The following GATA2 variants were observed in gnomAD, a reference collection of about 807,000 sequenced individuals.
The protein encoded by GATA2 is endothelial transcription factor GATA-2.
GATA2 carries 6 observed loss-of-function variants against 35.7 expected under a neutral mutation model. That is an observed-to-expected ratio of 0.17 (90% CI 0.09 to 0.33). The LOEUF (loss-of-function observed/expected upper bound fraction) is 0.33. Among genes scored for constraint, GATA2 ranks in the 10% least tolerant of loss-of-function variants. The pLI, the probability that GATA2 is intolerant of heterozygous loss-of-function variation, is 1.00. For synonymous variants in GATA2, 313 were observed against 274.9 expected, an observed-to-expected ratio of 1.14 and a Z score of -1.37; for missense variants, 541 against 656.6, an observed-to-expected ratio of 0.82 and a Z score of 1.92.
At chr3:128,490,239 C>T (rs1461590452) in intron 1 of GATA2, 2 of 152,266 alleles carry the variant, frequency 1.3e-5, no homozygotes, top group Non-Finnish European at 2.9e-5. Flanking sequence ...CCTGCCCAAA[C>T]GTCAGCCCTG....
chr3:128,483,764 G>A lies in GATA2; in HGVS notation c.1017+96C>T, dbSNP rs144955202. 420 of 1,497,426 alleles carry A rather than the reference G, an allele frequency of 2.8e-4. No individual in the cohort carries two copies. The African/African-American group carries it at 5.4e-3, about 19-fold the overall frequency. 92.8% of individuals were successfully genotyped at this position (1,497,426 alleles called of 1,614,324 possible). A position where few individuals can be genotyped will look rare whatever the true frequency, so the allele number is the denominator to read the frequency against. On this transcript the variant is annotated intron_variant, in intron 4 of 5. Transcript: ENST00000341105. ...TCATGATAAAAGAGGATTTCAAGCGGCAAAGCGTCTGCATTTGAAGGAGTT... is the reference window on the plus strand; with the variant it reads ...TCATGATAAAAGAGGATTTCAAGCGACAAAGCGTCTGCATTTGAAGGAGTT...
intron 3 of GATA2, 95 bp downstream of exon 3, chr3:128,485,632 G>T: frequency 6.8e-7 from 1 of 1,470,572 alleles, no homozygotes. Context: ...CCAGATCTGG[G>T]AAACCAACAC....
intron 4 of GATA2, 51 bp from the exon 5 acceptor site, chr3:128,481,995 C>G: frequency 6.2e-7 from 1 of 1,605,060 alleles, no homozygotes; most frequent in Non-Finnish European, 8.5e-7. Flanking sequence ...CCCACCTCGA[C>G]CCCCCTCCCT....
intron 3 of GATA2, among the ~76,000 whole-genome samples, chr3:128,485,213 CAG>C (rs1172974914): frequency 6.6e-6 from 1 of 152,120 alleles, no homozygotes; most frequent in Non-Finnish European, 1.5e-5. Flanking sequence ...CCGAGGAGAT[CAG>C]GGAGCCATCG....
intron 1 of GATA2, among the ~76,000 whole-genome samples, chr3:128,492,533 G>T (rs2068790118): frequency 2.6e-5 from 4 of 152,202 alleles, no homozygotes; most frequent in Non-Finnish European, 5.9e-5. Context: ...GCCGCTCGGC[G>T]GCCCGGCTCG....
chr3:128,481,005 C>T lies in GATA2; in HGVS notation c.*14G>A, dbSNP rs1036505870. 27 of 1,546,158 alleles carry T rather than the reference C, an allele frequency of 1.7e-5. No individual in the cohort carries two copies. Among genetic ancestry groups the T allele is most frequent in the Non-Finnish European group, 2.3e-5 (26 of 1,145,040 alleles). ...CATCCCGGGAGTGCCCGGTCCTCGA[C>T]GTCCATCTGTTCCCTAGCCCATGGC... is the stretch of plus-strand genomic sequence containing the variant. On this transcript the variant is annotated 3_prime_UTR_variant, in exon 6 of 6. Coordinates refer to ENST00000341105, the MANE Select transcript of GATA2 (RefSeq NM_032638.5).
In GATA2 at chr3:128,481,326, C is replaced by G. The variant is rs2107668139; in HGVS notation, c.1144-8G>C. On this transcript the variant is annotated splice_polypyrimidine_tract_variant and splice_region_variant and intron_variant, in intron 5 of 5. Coordinates refer to ENST00000341105, the MANE Select transcript of GATA2 (RefSeq NM_032638.5). The stretch of plus-strand genomic sequence containing the variant: ...GGTCAGTGGCCTGTTAACCTAGAGG[C>G]AACCACCAGTTTTCAGAGGGCCAGT... 6.2e-7 allele frequency: 1 copy of G among 1,611,360 alleles called. No individual in the cohort carries two copies. Among genetic ancestry groups the G allele is most frequent in the East Asian group, 2.2e-5 (1 of 44,884 alleles).
intron 4 of GATA2, 131 bp downstream of exon 4, chr3:128,483,729 C>A (rs970177313): frequency 8.0e-7 from 1 of 1,256,136 alleles, no homozygotes; most frequent in East Asian, 2.5e-5. Flanking sequence ...AACTGACATC[C>A]CAGTGCTTTT....
intron 1 of GATA2, 63 bp from the exon 2 acceptor site, chr3:128,487,139 C>T: frequency 1.1e-6 from 1 of 885,152 alleles, no homozygotes; most frequent in South Asian, 1.7e-5. Context: ...AGTCCCACCA[C>T]GAGGTGTCCC....
At chr3:128,489,213 C>T (rs1162561717) in intron 1 of GATA2, 2 of 152,140 alleles carry the variant, frequency 1.3e-5, no homozygotes, top group East Asian at 3.9e-4. Context: ...AGGAAATGAA[C>T]TTTTTAATAA....
chr3:128,480,754 CTACA>C lies in GATA2; in HGVS notation c.*261_*264del, dbSNP rs1263668636. On this transcript the variant is annotated 3_prime_UTR_variant, in exon 6 of 6. Transcript: ENST00000341105. Reference sequence around the variant, plus strand: ...CGTCTGTCCCGTCCCCTCCTTTTCTCTACATAAAGTTGTCCTTGTTGTTCTCCAA... The same window carrying C: ...CGTCTGTCCCGTCCCCTCCTTTTCTCTAAAGTTGTCCTTGTTGTTCTCCAA... The C allele has an allele frequency of 2.1e-5, 10 of 473,592 alleles. No homozygotes were observed. The highest frequency in any genetic ancestry group is 3.7e-5 in the Non-Finnish European group (10 of 270,400). 29.3% of individuals were successfully genotyped at this position (473,592 alleles called of 1,614,324 possible). A position where few individuals can be genotyped will look rare whatever the true frequency, so the allele number is the denominator to read the frequency against.
chr3:128,490,814 A>G (rs2068760019), intron 1 of GATA2, among the ~76,000 whole-genome samples: 1 of 152,158 alleles, frequency 6.6e-6, no homozygotes, highest in Admixed American at 6.5e-5. Flanking sequence ...GCCTGGTGAG[A>G]GCAGATTTAC....
chr3:128,492,362 T>C (rs1276135073), intron 1 of GATA2: 1 of 152,252 alleles, frequency 6.6e-6, no homozygotes, highest in African/African-American at 2.4e-5. Context: ...CGACTCCGGC[T>C]TGGGGCGGGG....
At chr3:128,489,355 C>T (rs1223781495) in intron 1 of GATA2, 1 of 152,376 alleles carries the variant, frequency 6.6e-6, no homozygotes, top group African/African-American at 2.4e-5. Context: ...CGGGCTCAGG[C>T]TGAGGCCTCC....
intron 4 of GATA2, among the ~76,000 whole-genome samples, chr3:128,482,790 C>T (rs1440994809): frequency 6.6e-6 from 1 of 152,234 alleles, no homozygotes; most frequent in African/African-American, 2.4e-5. Context: ...GGAGGCTTTA[C>T]CCAAGAAAAC....
Position 128,486,301 on chromosome 3 carries a change from G to C in GATA2, c.297C>G (p.Asp99Glu), listed in dbSNP as rs1411693599. Residue 99 changes from aspartate to glutamate, a missense_variant, in exon 3 of 6, where the codon GAC becomes GAG. Transcript: ENST00000341105. ...CGGCAGAGAGGGCTGCTTTGCCCCC[G>C]TCCAGCCAGGGCAAACCCGGGCTGT... ...LLHSPGLPWL[D>E]GGKAALSAAA... The C allele has an allele frequency of 6.3e-7, 1 of 1,591,286 alleles. No homozygotes were observed. The highest frequency in any genetic ancestry group is 1.3e-5 in the African/African-American group (1 of 74,808).
At position 128,486,804 on chromosome 3, in the gene GATA2, G is replaced by C. The variant is rs770940723; in HGVS notation, c.228C>G (p.His76Gln). The change falls in exon 2 of 6, where the codon CAC becomes CAG. Residue 76 changes from histidine to glutamine, a missense_variant and splice_region_variant. His to Gln is a conservative substitution (Grantham distance 24, BLOSUM62 0). This residue lies in a region of GATA2 where 389 missense variants were observed against 396.9 expected (regional missense o/e 0.98). Transcript: ENST00000341105. ...CATCACCACGGGCCCAGTGCTCACC[G>C]TGCGCGGGGCTGTAGGAGACGCGCG... ...ARARVSYSPAHARLTGGQMCR... is the reference protein window; with the variant it reads ...ARARVSYSPAQARLTGGQMCR... 1.2e-6 allele frequency: 2 copies of C among 1,600,850 alleles called. No homozygotes were observed. The highest frequency in any genetic ancestry group is 1.7e-6 in the Non-Finnish European group (2 of 1,175,090).
intron 4 of GATA2, among the ~76,000 whole-genome samples, chr3:128,482,243 A>G (rs1174847050): frequency 6.6e-6 from 1 of 152,178 alleles, no homozygotes; most frequent in Non-Finnish European, 1.5e-5. Flanking sequence ...AACTCCATAA[A>G]TGGGGAAACT....
intron 1 of GATA2, 146 bp downstream of exon 1, chr3:128,492,753 A>G (rs1296128144): frequency 6.6e-6 from 1 of 152,182 alleles, no homozygotes; most frequent in Non-Finnish European, 1.5e-5. Context: ...CCCTATAACC[A>G]GGGTTTCCGG....
Sources: gnomAD v4.1 joint callset for allele counts (sites outside exome capture counted in the v4.1 genomes callset) on GRCh38, gnomAD v4.1.1 for gene constraint, gnomAD v4.1.1 regional missense constraint, MANE v1.5 for transcripts, NCBI Gene and HGNC (gene_info 2026-07-23, HGNC 2026-07-21) for gene names.